The following CHD8 variants were observed in gnomAD, a reference collection of about 807,000 sequenced individuals.
CHD8 encodes ATP-dependent chromatin remodeler CHD8.
A neutral mutation model predicts 279.2 loss-of-function variants in CHD8; 31 were observed. The ratio of observed to expected loss-of-function variants is 0.11; its 90% confidence interval spans 0.08 to 0.15. CHD8 has a LOEUF of 0.15. Among genes scored for constraint, CHD8 ranks in the 10% least tolerant of loss-of-function variants. The pLI, the probability that CHD8 is intolerant of heterozygous loss-of-function variation, is 1.00. For synonymous variants in CHD8, 1,081 were observed against 1,139.6 expected (o/e 0.95, Z 1.04); for missense variants, 2,146 against 3,230.5 (o/e 0.66, Z 8.14).
chr14:21,393,191 T>C lies in CHD8; in HGVS notation c.6383A>G (p.Asp2128Gly). ...ESLLSLTMSQ[D>G]GFPNEDGEQM... The stretch of plus-strand genomic sequence containing the variant: ...TTCTCCATCTTCATTTGGGAATCCA[T>C]CTTGGGACATAGTGAGGGACAGGAG... Residue 2128 changes from aspartate to glycine, a missense_variant, in exon 33 of 38, where the codon GAT (aspartate) becomes GGT (glycine). Around this residue, in one of 26 missense-constraint regions of CHD8, gnomAD observed 513 missense variants for 637.6 expected, o/e 0.80. Coordinates refer to ENST00000646647, the MANE Select transcript of CHD8 (RefSeq NM_001170629.2). 6.2e-7 allele frequency: 1 copy of C among 1,613,968 alleles called. No individual in the cohort carries two copies. The highest frequency in any genetic ancestry group is 1.7e-5 in the Admixed American group (1 of 60,016).
Position 21,415,631 on chromosome 14 carries a change from A to C in CHD8, c.1911T>G (p.Ser637Arg), listed in dbSNP as rs1594359595. 6.2e-7 allele frequency: 1 copy of C among 1,609,112 alleles called. No individual in the cohort carries two copies. Among genetic ancestry groups the C allele is most frequent in the East Asian group, 2.2e-5 (1 of 44,616 alleles). The change falls in exon 7 of 38, where the codon AGT becomes AGG. Residue 637 changes from serine to arginine, a missense_variant. Transcript: ENST00000646647. ...PSMQFFVENP[S>R]EEDAAIVDKV... Reference sequence around the variant, plus strand: ...TGTCTACAATGGCTGCATCTTCTTCACTGGGATTCTCCTGCAGCAAAAGAT... The same window carrying C: ...TGTCTACAATGGCTGCATCTTCTTCCCTGGGATTCTCCTGCAGCAAAAGAT...
At position 21,408,369 on chromosome 14, in the gene CHD8, G is replaced by A; in HGVS notation, c.2673C>T (p.Gly891=). ...GAATCATCTGCCTGCTGGCCAGACT[G>A]CCATGGTACACAATAGTGTTCATTT... ...WTEMNTIVYH[G]SLASRQMIQQ... The change falls in exon 13 of 38, where the codon GGC becomes GGT. Residue 891 remains glycine (G), a synonymous_variant. Transcript: ENST00000646647. The surrounding 1 kb of genome is among the most constrained non-coding windows in gnomAD (Gnocchi z 4.3). The A allele has an allele frequency of 1.9e-6, 3 of 1,613,770 alleles. No homozygotes were observed. The East Asian group carries it at 6.7e-5, about 36-fold the overall frequency.
At chr14:21,448,967 G>A (rs1335931200) in intron 1 of CHD8, among the ~76,000 whole-genome samples, 2 of 151,682 alleles carry the variant, frequency 1.3e-5, no homozygotes, top group Non-Finnish European at 1.5e-5. Context: ...GAGGTCAGGA[G>A]ATCGAGACCA....
intron 1 of CHD8, among the ~76,000 whole-genome samples, chr14:21,447,446 A>G (rs1235078190): frequency 6.7e-6 from 1 of 149,250 alleles, no homozygotes; most frequent in Non-Finnish European, 1.5e-5. Flanking sequence ...ATCTCAGCTC[A>G]CTGCAACCTC....
chr14:21,424,429 T>G (rs894263420), intron 5 of CHD8, among the ~76,000 whole-genome samples: 3 of 152,182 alleles, frequency 2.0e-5, no homozygotes, highest in African/African-American at 7.2e-5. Flanking sequence ...AATTTTTTTT[T>G]GGCCTCATTT....
At chr14:21,436,417 G>A (rs1889782262) in intron 1 of CHD8, among the ~76,000 whole-genome samples, 1 of 152,230 alleles carries the variant, frequency 6.6e-6, no homozygotes, top group South Asian at 2.1e-4. Context: ...AGACATTCGT[G>A]AGACACGAAG....
intron 20 of CHD8, 109 bp from the exon 21 acceptor site, chr14:21,401,622 T>TG (rs1417879614): frequency 1.4e-6 from 1 of 697,572 alleles, no homozygotes; most frequent in African/African-American, 1.8e-5. Context: ...TCTTGCTCTG[T>TG]TGCCCAGGCT....
intron 5 of CHD8, among the ~76,000 whole-genome samples, chr14:21,421,860 A>T (rs766887330): frequency 1.3e-5 from 2 of 152,210 alleles, no homozygotes; most frequent in Non-Finnish European, 2.9e-5. Flanking sequence ...ATCCAATCTG[A>T]CTAATGTTCT....
At chr14:21,429,564 C>A in intron 2 of CHD8, 1 of 656,178 alleles carries the variant, frequency 1.5e-6, no homozygotes. Flanking sequence ...TTCACAGGCA[C>A]AACACTACTG....
At chr14:21,436,506 G>C (rs1446442361) in intron 1 of CHD8, among the ~76,000 whole-genome samples, 1 of 152,202 alleles carries the variant, frequency 6.6e-6, no homozygotes, top group African/African-American at 2.4e-5. Context: ...CAAAGGATCA[G>C]GATGGAAAGA....
rs780639697 is a variant in CHD8 at position 21,400,960 on chromosome 14, G to A, written c.4285C>T (p.Arg1429Trp). 14 of 1,613,830 alleles carry A rather than the reference G, an allele frequency of 8.7e-6. No individual in the cohort carries two copies. The highest frequency in any genetic ancestry group is 2.2e-5 in the South Asian group (2 of 91,084). Residue 1429 changes from arginine (R) to tryptophan (W), a missense_variant, in exon 22 of 38, where the codon CGG becomes TGG. Arg to Trp is a moderately radical substitution (Grantham distance 101, BLOSUM62 -3). This residue lies in a region of CHD8 where 74 missense variants were observed against 91.5 expected (regional missense o/e 0.81). Coordinates refer to ENST00000646647, the MANE Select transcript of CHD8 (RefSeq NM_001170629.2). The surrounding 1 kb of genome is among the most constrained non-coding windows in gnomAD (Gnocchi z 4.2). ...CGGTCATGTCTGCGGGAGCGTGGCC[G>A]CTCATCATCCTCACTTTCCAAATCA... ...FSDLESEDDE[R>W]PRSRRHDRHH... is the part of the protein sequence containing the mutation.
intron 10 of CHD8, among the ~76,000 whole-genome samples, chr14:21,410,637 A>G (rs1888449670): frequency 6.6e-6 from 1 of 152,232 alleles, no homozygotes; most frequent in African/African-American, 2.4e-5. Flanking sequence ...CCAATGGTAA[A>G]TGGCTCCTAT....
chr14:21,385,465 G>A lies in CHD8; in HGVS notation c.*148C>T, dbSNP rs538945835. The A allele has an allele frequency of 1.4e-3, 1,724 of 1,201,374 alleles. 14 individuals are homozygous for A. The highest frequency in any genetic ancestry group is 1.1e-3 in the Non-Finnish European group (958 of 890,620). 74.4% of individuals were successfully genotyped at this position (1,201,374 alleles called of 1,614,324 possible). A position where few individuals can be genotyped will look rare whatever the true frequency, so the allele number is the denominator to read the frequency against. ...ATCCTCTCATAATTGGGAGCAATCA[G>A]GTACATTTTTTTTTTTTTTTCCTTT... is the stretch of plus-strand genomic sequence containing the variant. On this transcript the variant is annotated 3_prime_UTR_variant, in exon 38 of 38. Transcript: ENST00000646647.
At chr14:21,401,371 G>T in intron 21 of CHD8, 32 bp downstream of exon 21, 1 of 1,318,346 alleles carries the variant, frequency 7.6e-7, no homozygotes, top group Non-Finnish European at 1.1e-6. Flanking sequence ...GTGGTCTTCT[G>T]CGATACTTCC....
intron 26 of CHD8, 105 bp downstream of exon 26, chr14:21,399,497 A>T (rs1887938780): frequency 2.6e-6 from 2 of 772,804 alleles, no homozygotes; most frequent in East Asian, 5.2e-5. Context: ...TTTATTGAAG[A>T]TCAATCAGAT....
chr14:21,405,459 T>C lies in CHD8; in HGVS notation c.3057A>G (p.Gln1019=). The C allele has an allele frequency of 6.2e-7, 1 of 1,602,232 alleles. No homozygotes were observed. Among genetic ancestry groups the C allele is most frequent in the Non-Finnish European group, 8.5e-7 (1 of 1,173,744 alleles). ...TTGGCTTAAGAATGGCCTGTAGCTT[T>C]TGAACCTGTGGTCCATTACAGAGAG... is the stretch of plus-strand genomic sequence containing the variant. ...FGDLKTEEQV[Q]KLQAILKPMM... The change falls in exon 16 of 38, where the codon CAA becomes CAG. Residue 1019 remains glutamine (Q), a synonymous_variant. Coordinates refer to ENST00000646647, the MANE Select transcript of CHD8 (RefSeq NM_001170629.2). This position sits in a 1 kb window ranked among gnomAD's most constrained non-coding sequence, Gnocchi z 4.2.
intron 37 of CHD8, among the ~76,000 whole-genome samples, chr14:21,390,055 T>C (rs1887456885): frequency 6.6e-6 from 1 of 151,990 alleles, no homozygotes; most frequent in Non-Finnish European, 1.5e-5. Flanking sequence ...GCCAACGTGG[T>C]GAAACCTCGT....
intron 25 of CHD8, 110 bp from the exon 26 acceptor site, chr14:21,399,815 T>G (rs368753286): frequency 3.2e-6 from 3 of 939,526 alleles, no homozygotes; most frequent in Non-Finnish European, 1.7e-6. Flanking sequence ...TAAATACTCA[T>G]GCATCTACCC....
intron 5 of CHD8, among the ~76,000 whole-genome samples, chr14:21,423,373 G>C (rs1053467685): frequency 7.9e-5 from 12 of 152,148 alleles, no homozygotes; most frequent in African/African-American, 2.7e-4. Flanking sequence ...GAGAAAGCAA[G>C]AGAGGTCCCA....
Sources: gnomAD v4.1 joint callset for allele counts (sites outside exome capture counted in the v4.1 genomes callset) on GRCh38, gnomAD v4.1.1 for gene constraint, gnomAD v4.1.1 regional missense constraint, Gnocchi (gnomAD v3.1) non-coding constraint, MANE v1.5 for transcripts, NCBI Gene and HGNC (gene_info 2026-07-23, HGNC 2026-07-21) for gene names.